TTC7B: variants seen among roughly 807,000 people sequenced by gnomAD.
The protein encoded by TTC7B is tetratricopeptide repeat domain 7B.
In TTC7B, 28 loss-of-function variants were observed where a neutral mutation model predicts 106.8. The ratio of observed to expected loss-of-function variants is 0.26; its 90% CI spans 0.19 to 0.36. TTC7B has a LOEUF of 0.36. Ranked by LOEUF, TTC7B falls within the 10% of genes least tolerant of loss-of-function variation. The probability of loss-of-function intolerance (pLI) is 1.00; values close to 1 mark genes in which losing one functional copy is unlikely to be tolerated. For synonymous variants in TTC7B, 405 were observed against 430.6 expected (o/e 0.94, Z 0.74); for missense variants, 862 against 1,076.4 (o/e 0.80, Z 2.79).
chr14:90,603,196 G>A, intron 17 of TTC7B: 1 of 1,115,008 alleles, frequency 9.0e-7, no homozygotes. Flanking sequence ...TTCCGTGGTG[G>A]GGGGAGTGTG....
chr14:90,577,215 C>G lies in TTC7B; in HGVS notation c.2310+891G>C, dbSNP rs886244307. Among the ~76,000 whole-genome samples the G allele has an allele frequency of 6.6e-6, 1 of 152,244 alleles. No individual in the cohort carries two copies. Among genetic ancestry groups the G allele is most frequent in the Admixed American group, 6.5e-5 (1 of 15,282 alleles). Reference sequence around the variant, plus strand: ...ATGAAACAACAATTCAGAACCAAAGCCCAGCATGCAGGCCCAGGGAACGTG... The same window carrying G: ...ATGAAACAACAATTCAGAACCAAAGGCCAGCATGCAGGCCCAGGGAACGTG... On this transcript the variant is annotated intron_variant, in intron 19 of 19. Transcript: ENST00000328459. This position sits in a 1 kb window ranked among gnomAD's most constrained non-coding sequence, Gnocchi z 5.0.
chr14:90,754,031 T>G (rs777413908), intron 3 of TTC7B, among the ~76,000 whole-genome samples: 10 of 152,244 alleles, frequency 6.6e-5, no homozygotes, highest in Non-Finnish European at 8.8e-5. Flanking sequence ...TAACATGTAT[T>G]GGGTGCTAGT....
At chr14:90,548,709 G>A (rs1454215015) in intron 19 of TTC7B, among the ~76,000 whole-genome samples, 3 of 152,224 alleles carry the variant, frequency 2.0e-5, no homozygotes, top group Non-Finnish European at 4.4e-5. Flanking sequence ...TAAATGAGCA[G>A]ACCCAGAAAC....
At chr14:90,717,761 C>G (rs1617981) in intron 5 of TTC7B, among the ~76,000 whole-genome samples, 50,314 of 152,066 alleles carry the variant, frequency 0.33, 8,654 homozygotes, top group Middle Eastern at 0.39. Flanking sequence ...AATACTAATG[C>G]ATTTGACACC....
At chr14:90,552,020 G>C (rs1267769853) in intron 19 of TTC7B, among the ~76,000 whole-genome samples, 1 of 152,260 alleles carries the variant, frequency 6.6e-6, no homozygotes, top group Non-Finnish European at 1.5e-5. Flanking sequence ...TCAGTGCTTA[G>C]AAATGGCACC....
chr14:90,614,381 G>A (rs1478970892), intron 16 of TTC7B, among the ~76,000 whole-genome samples: 2 of 152,238 alleles, frequency 1.3e-5, no homozygotes, highest in African/African-American at 4.8e-5. Context: ...ACTGAGGTTA[G>A]AGCAAAGAAA....
At chr14:90,568,848 A>G (rs925863628) in intron 19 of TTC7B, among the ~76,000 whole-genome samples, 6 of 152,214 alleles carry the variant, frequency 3.9e-5, no homozygotes, top group African/African-American at 1.2e-4. Context: ...CATTCCTTTT[A>G]CTCCAAGGAG....
intron 4 of TTC7B, among the ~76,000 whole-genome samples, chr14:90,744,081 C>A (rs1302093560): frequency 6.6e-6 from 1 of 152,220 alleles, no homozygotes; most frequent in East Asian, 1.9e-4. Context: ...CGGTCCACGT[C>A]CCCAGCACCT....
At chr14:90,693,643 C>T (rs1317736557) in intron 6 of TTC7B, among the ~76,000 whole-genome samples, 1 of 152,148 alleles carries the variant, frequency 6.6e-6, no homozygotes, top group Non-Finnish European at 1.5e-5. Flanking sequence ...CAAGGAAGTG[C>T]CAATCAAACC....
At chr14:90,685,555 A>C (rs1887221877) in intron 7 of TTC7B, among the ~76,000 whole-genome samples, 1 of 152,116 alleles carries the variant, frequency 6.6e-6, no homozygotes, top group Non-Finnish European at 1.5e-5. Flanking sequence ...CAAAACCCAA[A>C]GTTGGTTCCT....
At chr14:90,546,276 T>TTTCCCTTCCC (rs1009173905) in intron 19 of TTC7B, among the ~76,000 whole-genome samples, 2 of 152,226 alleles carry the variant, frequency 1.3e-5, no homozygotes, top group Non-Finnish European at 2.9e-5. Flanking sequence ...CCTTCCTTCC[T>TTTCCCTTCCC]TTCCCTTCCC....
chr14:90,793,047 C>G (rs1051882416), intron 1 of TTC7B, among the ~76,000 whole-genome samples: 1 of 152,120 alleles, frequency 6.6e-6, no homozygotes, highest in Non-Finnish European at 1.5e-5. Context: ...TTCCCCCATG[C>G]TGTTCTCATG....
intron 18 of TTC7B, among the ~76,000 whole-genome samples, chr14:90,586,197 C>T (rs1891705088): frequency 6.6e-6 from 1 of 152,186 alleles, no homozygotes; most frequent in Non-Finnish European, 1.5e-5. Flanking sequence ...TGCCGCGATG[C>T]CGTCTGCGCT....
chr14:90,560,481 T>C (rs1217975809), intron 19 of TTC7B, among the ~76,000 whole-genome samples: 1 of 152,238 alleles, frequency 6.6e-6, no homozygotes, highest in Non-Finnish European at 1.5e-5. Flanking sequence ...GTCGTCTTGA[T>C]GGTTGAGGGG....
chr14:90,721,292 T>C (rs1242324583), intron 5 of TTC7B, among the ~76,000 whole-genome samples: 1 of 152,204 alleles, frequency 6.6e-6, no homozygotes, highest in Non-Finnish European at 1.5e-5. Flanking sequence ...TAACCCTCAC[T>C]AAGTGCTAGC....
At chr14:90,550,572 G>C (rs1398050275) in intron 19 of TTC7B, among the ~76,000 whole-genome samples, 1 of 152,146 alleles carries the variant, frequency 6.6e-6, no homozygotes, top group Non-Finnish European at 1.5e-5. Context: ...CACCCTGAAG[G>C]CTGCAATCCT....
intron 15 of TTC7B, among the ~76,000 whole-genome samples, chr14:90,634,643 G>A (rs1347237548): frequency 6.6e-6 from 1 of 152,064 alleles, no homozygotes; most frequent in East Asian, 1.9e-4. Context: ...GTGGTGACAT[G>A]TGCCTGTAGT....
intron 17 of TTC7B, among the ~76,000 whole-genome samples, chr14:90,610,450 C>A (rs1223953440): frequency 6.6e-6 from 1 of 152,208 alleles, no homozygotes; most frequent in East Asian, 1.9e-4. Flanking sequence ...AGAGGGGAAA[C>A]CTGATGGGGA....
At chr14:90,615,715 A>C (rs1347290195) in intron 16 of TTC7B, among the ~76,000 whole-genome samples, 1 of 152,230 alleles carries the variant, frequency 6.6e-6, no homozygotes, top group African/African-American at 2.4e-5. Context: ...GGGGATGACT[A>C]CATTTACATA....
Sources: allele counts gnomAD v4.1 joint callset (sites outside exome capture counted in the v4.1 genomes callset), GRCh38; gene constraint gnomAD v4.1.1; non-coding constraint Gnocchi (gnomAD v3.1); transcripts MANE v1.5; gene names NCBI Gene and HGNC (gene_info 2026-07-23, HGNC 2026-07-21).